The following ATP2B1 variants were observed in gnomAD, a reference collection of about 807,000 sequenced individuals.
ATP2B1 encodes the protein plasma membrane calcium-transporting ATPase 1.
A neutral mutation model predicts 124.2 loss-of-function variants in ATP2B1; 14 were observed. The observed-to-expected ratio is 0.11, with a 90% CI of 0.07 to 0.18. ATP2B1 has a LOEUF of 0.18. Ranked by LOEUF, ATP2B1 falls within the 10% of genes least tolerant of loss-of-function variation. The pLI is 1.00. For synonymous variants in ATP2B1, 449 were observed against 492.4 expected (o/e 0.91, Z 1.17); for missense variants, 763 against 1,466.1 (o/e 0.52, Z 7.83).
At chr12:89,667,832 G>A (rs906394218) in intron 1 of ATP2B1, among the ~76,000 whole-genome samples, 3 of 152,086 alleles carry the variant, frequency 2.0e-5, no homozygotes, top group African/African-American at 2.4e-5. Context: ...CTACAGATTC[G>A]GTGCTATTCC....
At chr12:89,646,091 GT>G (rs1555202239) in intron 2 of ATP2B1, among the ~76,000 whole-genome samples, 2 of 149,906 alleles carry the variant, frequency 1.3e-5, no homozygotes, top group African/African-American at 2.5e-5. Context: ...TTTTGTTTTT[GT>G]TTTTTTTTGC....
At chr12:89,687,392 T>C (rs900923933) in intron 1 of ATP2B1, among the ~76,000 whole-genome samples, 1 of 152,124 alleles carries the variant, frequency 6.6e-6, no homozygotes, top group Admixed American at 6.6e-5. Context: ...TCTAGGTTTG[T>C]GTAGTACACT....
intron 1 of ATP2B1, among the ~76,000 whole-genome samples, chr12:89,677,954 T>TTATATATATATATATA (rs61256358): frequency 2.9e-4 from 20 of 68,748 alleles, no homozygotes; most frequent in African/African-American, 1.1e-3. Context: ...CATGCAGGAA[T>TTATATATATATATATA]TATATATATA....
In ATP2B1 at chr12:89,589,746, G is replaced by A. The variant is rs1436210703; in HGVS notation, c.*1238C>T. The A allele has an allele frequency of 6.6e-6, 1 of 152,016 alleles. No homozygotes were observed. The highest frequency in any genetic ancestry group is 1.5e-5 in the Non-Finnish European group (1 of 67,976). 9.4% of individuals were successfully genotyped at this position (152,016 alleles called of 1,614,324 possible). On this transcript the variant is annotated 3_prime_UTR_variant, in exon 21 of 21. Transcript: ENST00000428670. The stretch of plus-strand genomic sequence containing the variant: ...GTCAAAGAGAACAGACTGATGCACT[G>A]TATATGCAGAACTGAGTAAAGAAGC...
chr12:89,643,214 G>GTATATATGTATATACGTA (rs1883917789), intron 2 of ATP2B1, among the ~76,000 whole-genome samples: 4 of 149,638 alleles, frequency 2.7e-5, no homozygotes, highest in African/African-American at 9.9e-5. Flanking sequence ...GTGTATATGT[G>GTATATATGTATATACGTA]TATATATGTA....
intron 1 of ATP2B1, among the ~76,000 whole-genome samples, chr12:89,687,783 T>C (rs1201790536): frequency 1.3e-5 from 2 of 152,092 alleles, no homozygotes; most frequent in Non-Finnish European, 2.9e-5. Flanking sequence ...CTTACAATAA[T>C]ATTTACTTTT....
intron 8 of ATP2B1, 32 bp downstream of exon 8, chr12:89,626,422 T>A (rs755344324): frequency 1.9e-6 from 3 of 1,552,808 alleles, no homozygotes; most frequent in Non-Finnish European, 2.6e-6. Flanking sequence ...TACTTAAAAA[T>A]AAAACACTTT....
In ATP2B1 at chr12:89,590,627, T is replaced by C. The variant is rs1873383491; in HGVS notation, c.*357A>G. On this transcript the variant is annotated 3_prime_UTR_variant, in exon 21 of 21. Coordinates refer to ENST00000428670, the MANE Select transcript of ATP2B1 (RefSeq NM_001366521.1). ...TATCAATTCAACGATCCAGGGCTCTTTGTCTTGCCCAGTTTTACTCCTCCC... is the reference window on the plus strand; with the variant it reads ...TATCAATTCAACGATCCAGGGCTCTCTGTCTTGCCCAGTTTTACTCCTCCC... 5.8e-6 allele frequency: 1 copy of C among 173,276 alleles called. No homozygotes were observed. The highest frequency in any genetic ancestry group is 2.4e-5 in the African/African-American group (1 of 42,020). The allele number at this position is 173,276 out of a possible 1,614,324, so 10.7% of individuals were successfully genotyped here.
At chr12:89,614,049 G>C (rs771628731) in intron 12 of ATP2B1, among the ~76,000 whole-genome samples, 26 of 152,136 alleles carry the variant, frequency 1.7e-4, no homozygotes, top group Non-Finnish European at 2.4e-4. Flanking sequence ...CTTTAAAAAA[G>C]ATAAAACTCT....
chr12:89,703,475 C>T (rs1027062545), intron 1 of ATP2B1, among the ~76,000 whole-genome samples: 35 of 152,270 alleles, frequency 2.3e-4, no homozygotes, highest in African/African-American at 8.2e-4. Context: ...AGCTATCTAT[C>T]CACTAACTTA....
chr12:89,659,578 T>C (rs2056331), intron 1 of ATP2B1, among the ~76,000 whole-genome samples: 141,818 of 152,268 alleles, frequency 0.93, 66,268 homozygotes, highest in East Asian at 0.99. Context: ...ACAATTTCAA[T>C]TCCTTCTTTC....
chr12:89,624,537 C>T, intron 8 of ATP2B1, 140 bp from the exon 9 acceptor site: 1 of 745,866 alleles, frequency 1.3e-6, no homozygotes, highest in Non-Finnish European at 2.1e-6. Flanking sequence ...TTCTTTCTTG[C>T]ACCTTATAAC....
intron 1 of ATP2B1, among the ~76,000 whole-genome samples, chr12:89,706,342 C>T (rs1892451946): frequency 6.6e-6 from 1 of 150,598 alleles, no homozygotes; most frequent in South Asian, 2.1e-4. Flanking sequence ...TCTGATCCTG[C>T]GTGTTTATTT....
chr12:89,660,435 A>G (rs1312405362), intron 1 of ATP2B1, among the ~76,000 whole-genome samples: 3 of 152,226 alleles, frequency 2.0e-5, no homozygotes, highest in Non-Finnish European at 4.4e-5. Context: ...CCATATATGC[A>G]AAGACAAAAG....
intron 6 of ATP2B1, 135 bp from the exon 7 acceptor site, chr12:89,627,851 G>C: frequency 3.2e-6 from 3 of 924,260 alleles, no homozygotes; most frequent in Non-Finnish European, 4.9e-6. Flanking sequence ...GAAAACATTT[G>C]ACTTGTGATG....
rs1872943245 is a variant in ATP2B1, at chr12:89,588,084, G to C, written c.*2900C>G. 1 of 152,548 alleles carries C rather than the reference G, an allele frequency of 6.6e-6. No homozygotes were observed. The highest frequency in any genetic ancestry group is 2.4e-5 in the African/African-American group (1 of 41,436). The allele number at this position is 152,548 out of a possible 1,614,324, so 9.4% of individuals were successfully genotyped here. On this transcript the variant is annotated 3_prime_UTR_variant, in exon 21 of 21. Transcript: ENST00000428670. ...GATAAACAGTATATTTATTAAATGAGTTAAGACAAATAAACTTTACAAATA... is the reference window on the plus strand; with the variant it reads ...GATAAACAGTATATTTATTAAATGACTTAAGACAAATAAACTTTACAAATA...
chr12:89,639,270 G>A (rs893299063), intron 3 of ATP2B1, among the ~76,000 whole-genome samples: 3 of 152,128 alleles, frequency 2.0e-5, no homozygotes, highest in Non-Finnish European at 4.4e-5. Context: ...TTGGGAGGCC[G>A]AGGCGGGCAG....
chr12:89,635,991 A>G (rs1000141083), intron 3 of ATP2B1, among the ~76,000 whole-genome samples: 1 of 152,162 alleles, frequency 6.6e-6, no homozygotes, highest in Non-Finnish European at 1.5e-5. Flanking sequence ...ACAAATAATT[A>G]ATTTCACATA....
intron 1 of ATP2B1, among the ~76,000 whole-genome samples, chr12:89,684,968 T>C (rs555268445): frequency 2.3e-4 from 35 of 152,308 alleles, no homozygotes; most frequent in African/African-American, 8.2e-4. Flanking sequence ...TTTTAGTAAT[T>C]GCCTATACTT....
Sources: gnomAD v4.1 joint callset for allele counts (sites outside exome capture counted in the v4.1 genomes callset) on GRCh38, gnomAD v4.1.1 for gene constraint, MANE v1.5 for transcripts, NCBI Gene and HGNC (gene_info 2026-07-23, HGNC 2026-07-21) for gene names.